Variants in KCTD16 observed in about 807,000 individuals in gnomAD.
KCTD16 encodes BTB/POZ domain-containing protein KCTD16.
A neutral mutation model predicts 33.2 loss-of-function variants in KCTD16; 13 were observed. The ratio of observed to expected loss-of-function variants is 0.39; its 90% CI spans 0.25 to 0.62. The LOEUF (loss-of-function observed/expected upper bound fraction) is 0.62. KCTD16 is among the 20% of genes least tolerant of loss of function. The pLI, the probability that KCTD16 is intolerant of heterozygous loss-of-function variation, is 0.50. For missense variants in KCTD16, 441 were observed against 525.1 expected, an observed-to-expected ratio of 0.84 and a Z score of 1.57; for synonymous variants, 197 against 195.3, an observed-to-expected ratio of 1.01 and a Z score of -0.07.
At chr5:144,336,698 ATT>A (rs1293725837) in intron 3 of KCTD16, among the ~76,000 whole-genome samples, 3 of 152,040 alleles carry the variant, frequency 2.0e-5, no homozygotes, top group Admixed American at 6.6e-5. Flanking sequence ...AAAAAGACAA[ATT>A]GTTCTACCAG....
intron 3 of KCTD16, among the ~76,000 whole-genome samples, chr5:144,358,399 C>T (rs1402904372): frequency 6.6e-6 from 1 of 152,052 alleles, no homozygotes; most frequent in Non-Finnish European, 1.5e-5. Context: ...TGAGGAAATG[C>T]CACCAACAGA....
At chr5:144,194,214 C>T (rs545006618) in intron 2 of KCTD16, among the ~76,000 whole-genome samples, 10 of 152,108 alleles carry the variant, frequency 6.6e-5, no homozygotes, top group African/African-American at 1.7e-4. Flanking sequence ...TATAAAGCAC[C>T]ATGCTGGGAC....
At chr5:144,319,823 G>T (rs534251649) in intron 3 of KCTD16, among the ~76,000 whole-genome samples, 1 of 152,196 alleles carries the variant, frequency 6.6e-6, no homozygotes, top group African/African-American at 2.4e-5. Flanking sequence ...GAATGCCAAA[G>T]GTGCTTGTGA....
intron 3 of KCTD16, among the ~76,000 whole-genome samples, chr5:144,257,398 A>G (rs1207744861): frequency 6.6e-6 from 1 of 152,090 alleles, no homozygotes; most frequent in Admixed American, 6.5e-5. Flanking sequence ...AGAATGACAC[A>G]TTTGTTTCAG....
At position 144,394,109 on chromosome 5, in the gene KCTD16, G is replaced by A. The variant is rs375125897; in HGVS notation, c.833-79551G>A. ...AACAAGGAAAGCTAATTTTCCCATC[G>A]ACTTTCTAGTTTCTATTACTATCTG... On this transcript the variant is annotated intron_variant, in intron 3 of 3. Coordinates refer to ENST00000512467, the MANE Select transcript of KCTD16 (RefSeq NM_020768.4). Among the ~76,000 whole-genome samples the A allele has an allele frequency of 3.0e-4, 46 of 151,700 alleles. No homozygotes were observed. In the South Asian group the frequency reaches 6.0e-3, roughly 20 times the overall value.
At chr5:144,222,959 G>A (rs990181674) in intron 3 of KCTD16, among the ~76,000 whole-genome samples, 138 of 152,324 alleles carry the variant, frequency 9.1e-4, no homozygotes, top group African/African-American at 3.1e-3. Flanking sequence ...ACACTATGCA[G>A]CTGTAAAAAA....
At chr5:144,244,733 C>G (rs544451117) in intron 3 of KCTD16, among the ~76,000 whole-genome samples, 55 of 152,274 alleles carry the variant, frequency 3.6e-4, no homozygotes, top group African/African-American at 1.1e-3. Flanking sequence ...TTCTCACTTT[C>G]CCTAGACTGA....
Position 144,224,504 on chromosome 5 carries a change from G to A in KCTD16, c.832+16958G>A, listed in dbSNP as rs531827193. On this transcript the variant is annotated intron_variant, in intron 3 of 3. Coordinates refer to ENST00000512467, the MANE Select transcript of KCTD16 (RefSeq NM_020768.4). Reference sequence around the variant, plus strand: ...TGGTAAACAAAAAAATCTATTTTGGGTGTGTTCGCAAATAATCCCTCATAC... The same window carrying A: ...TGGTAAACAAAAAAATCTATTTTGGATGTGTTCGCAAATAATCCCTCATAC... Among the ~76,000 whole-genome samples, 7 of 150,918 alleles carry A rather than the reference G, an allele frequency of 4.6e-5. No individual in the cohort carries two copies. The South Asian group carries it at 1.5e-3, about 32-fold the overall frequency.
chr5:144,173,680 A>G (rs1392423859), intron 1 of KCTD16, among the ~76,000 whole-genome samples: 1 of 152,190 alleles, frequency 6.6e-6, no homozygotes, highest in Non-Finnish European at 1.5e-5. Flanking sequence ...TTCAAATTCT[A>G]CTTCTGTCTC....
chr5:144,277,596 AT>A (rs1216795971), intron 3 of KCTD16, among the ~76,000 whole-genome samples: 1 of 152,210 alleles, frequency 6.6e-6, no homozygotes, highest in African/African-American at 2.4e-5. Context: ...TATCAATGTG[AT>A]TTTTTTAAAT....
intron 3 of KCTD16, among the ~76,000 whole-genome samples, chr5:144,299,122 A>ATCACTATGTG (rs1441594848): frequency 4.6e-5 from 1 of 21,938 alleles, no homozygotes; most frequent in African/African-American, 2.9e-4. Flanking sequence ...ATATATATAT[A>ATCACTATGTG]TATATATATA....
At chr5:144,415,056 T>C (rs1452297563) in intron 3 of KCTD16, among the ~76,000 whole-genome samples, 1 of 152,174 alleles carries the variant, frequency 6.6e-6, no homozygotes, top group Non-Finnish European at 1.5e-5. Context: ...CTCAGAGTTC[T>C]TGAGCCTGGG....
intron 3 of KCTD16, among the ~76,000 whole-genome samples, chr5:144,341,261 C>T (rs1306702974): frequency 1.3e-5 from 2 of 152,164 alleles, no homozygotes; most frequent in South Asian, 4.1e-4. Flanking sequence ...CTGACAGGAG[C>T]AGGCAGCACC....
chr5:144,186,131 C>G (rs1752720156), intron 2 of KCTD16, among the ~76,000 whole-genome samples: 1 of 152,084 alleles, frequency 6.6e-6, no homozygotes, highest in Non-Finnish European at 1.5e-5. Context: ...CATAAGGTAG[C>G]TTACTTGTCA....
intron 3 of KCTD16, among the ~76,000 whole-genome samples, chr5:144,263,225 C>A (rs931264172): frequency 5.7e-4 from 87 of 152,250 alleles, no homozygotes; most frequent in African/African-American, 2.0e-3. Context: ...TGGTTTACAG[C>A]AATAGTTCCC....
intron 3 of KCTD16, among the ~76,000 whole-genome samples, chr5:144,402,288 T>A (rs1456717133): frequency 6.6e-6 from 1 of 152,196 alleles, no homozygotes; most frequent in Non-Finnish European, 1.5e-5. Context: ...GGCAGAAAGA[T>A]GTTTTCTTGG....
intron 3 of KCTD16, among the ~76,000 whole-genome samples, chr5:144,449,968 A>G (rs190195537): frequency 2.6e-5 from 4 of 152,010 alleles, no homozygotes; most frequent in Non-Finnish European, 5.9e-5. Context: ...AAACTAAAAA[A>G]CTTCTGCATG....
intron 3 of KCTD16, among the ~76,000 whole-genome samples, chr5:144,399,590 A>G (rs1410350269): frequency 2.0e-5 from 3 of 152,208 alleles, no homozygotes; most frequent in South Asian, 4.1e-4. Context: ...TCTGATTAAA[A>G]TGTTAAAATA....
intron 3 of KCTD16, among the ~76,000 whole-genome samples, chr5:144,219,047 A>C (rs1024279807): frequency 6.6e-6 from 1 of 152,128 alleles, no homozygotes; most frequent in African/African-American, 2.4e-5. Context: ...TACTTGGGCA[A>C]GTGTCTTTTC....
Sources: gnomAD v4.1 joint callset for allele counts (sites outside exome capture counted in the v4.1 genomes callset) on GRCh38, gnomAD v4.1.1 for gene constraint, MANE v1.5 for transcripts, NCBI Gene and HGNC (gene_info 2026-07-23, HGNC 2026-07-21) for gene names.